PDE4D: variants seen among roughly 807,000 people sequenced by gnomAD.
The protein encoded by PDE4D is 3',5'-cyclic-AMP phosphodiesterase 4D.
In PDE4D, 24 loss-of-function variants were observed where a neutral mutation model predicts 87.4. The ratio of observed to expected loss-of-function variants is 0.27; its 90% CI spans 0.20 to 0.39. The LOEUF is 0.39. Among genes scored for constraint, PDE4D ranks in the 10% least tolerant of loss-of-function variants. PDE4D has a pLI of 1.00. For missense variants in PDE4D, 714 were observed against 1,041.0 expected, an observed-to-expected ratio of 0.69 and a Z score of 4.32; for synonymous variants, 384 against 383.2, an observed-to-expected ratio of 1.00 and a Z score of -0.02.
intron 2 of PDE4D, among the ~76,000 whole-genome samples, chr5:60,027,328 T>C (rs1356877735): frequency 6.6e-6 from 1 of 152,206 alleles, no homozygotes; most frequent in Non-Finnish European, 1.5e-5. Flanking sequence ...ATGAGGTATT[T>C]GGTTTTCTGT....
At chr5:60,506,176 C>T (rs1268725266) in intron 1 of PDE4D, among the ~76,000 whole-genome samples, 3 of 152,194 alleles carry the variant, frequency 2.0e-5, no homozygotes, top group Admixed American at 6.5e-5. Context: ...GGAAAGGACA[C>T]AGTTCCTGTT....
intron 1 of PDE4D, among the ~76,000 whole-genome samples, chr5:60,320,444 C>T (rs559104082): frequency 2.5e-4 from 38 of 152,308 alleles, no homozygotes; most frequent in African/African-American, 8.9e-4. Context: ...TGAGGTGATG[C>T]CTCGCCCTGC....
intron 1 of PDE4D, among the ~76,000 whole-genome samples, chr5:60,233,979 G>T (rs1333783411): frequency 2.6e-5 from 4 of 151,884 alleles, no homozygotes; most frequent in Non-Finnish European, 4.4e-5. Flanking sequence ...GTTTTCTTGA[G>T]ATATAATTCA....
intron 1 of PDE4D, among the ~76,000 whole-genome samples, chr5:60,345,270 G>T (rs1270429789): frequency 6.6e-6 from 1 of 151,854 alleles, no homozygotes; most frequent in African/African-American, 2.4e-5. Flanking sequence ...CACAGGAAGG[G>T]GAACATCACA....
intron 2 of PDE4D, among the ~76,000 whole-genome samples, chr5:60,005,951 A>C (rs1764434280): frequency 6.6e-6 from 1 of 151,980 alleles, no homozygotes; most frequent in Non-Finnish European, 1.5e-5. Flanking sequence ...CCAAAAATTA[A>C]AATTATTTAA....
chr5:59,431,401 G>A (rs985943371), intron 1 of PDE4D, among the ~76,000 whole-genome samples: 1 of 152,066 alleles, frequency 6.6e-6, no homozygotes, highest in African/African-American at 2.4e-5. Context: ...GGTGTTCAGA[G>A]TATTCTGTGA....
chr5:60,267,267 A>C (rs961595471), intron 1 of PDE4D, among the ~76,000 whole-genome samples: 1 of 152,180 alleles, frequency 6.6e-6, no homozygotes, highest in South Asian at 2.1e-4. Context: ...AGGGTCTACA[A>C]GCGGCTGTGG....
chr5:59,563,534 A>G (rs1170147898), intron 1 of PDE4D, among the ~76,000 whole-genome samples: 1 of 152,238 alleles, frequency 6.6e-6, no homozygotes, highest in Non-Finnish European at 1.5e-5. Context: ...AGTGGTCACT[A>G]TGTACCAGAC....
chr5:59,099,125 A>G (rs1348482117), intron 5 of PDE4D, among the ~76,000 whole-genome samples: 1 of 152,244 alleles, frequency 6.6e-6, no homozygotes, highest in African/African-American at 2.4e-5. Flanking sequence ...ATATTCAGTC[A>G]GCACCAGCAG....
rs114466972 is a variant in PDE4D at position 59,532,960 on chromosome 5, C to A, written c.456-316992G>T. On this transcript the variant is annotated intron_variant, in intron 1 of 14. Transcript: ENST00000340635. The stretch of plus-strand genomic sequence containing the variant: ...TTTCCATTAGTATCTCCAAGCCACC[C>A]TGCTGCCTAGAGTTTATCATTCTCA... Among the ~76,000 whole-genome samples the A allele has an allele frequency of 1.7e-3, 255 of 152,272 alleles. 1 individual carries two copies. Among genetic ancestry groups the A allele is most frequent in the African/African-American group, 5.6e-3 (232 of 41,556 alleles).
At chr5:59,530,154 T>C (rs1813937241) in intron 1 of PDE4D, among the ~76,000 whole-genome samples, 1 of 152,208 alleles carries the variant, frequency 6.6e-6, no homozygotes, top group South Asian at 2.1e-4. Flanking sequence ...AGAATGTTTA[T>C]TACTAGGCCA....
chr5:59,242,449 T>C (rs1181956309), intron 1 of PDE4D, among the ~76,000 whole-genome samples: 1 of 152,120 alleles, frequency 6.6e-6, no homozygotes, highest in Non-Finnish European at 1.5e-5. Flanking sequence ...CTCAACTCAA[T>C]TTCAACTCCA....
Position 59,929,856 on chromosome 5 carries a change from C to T in PDE4D, c.272+58632G>A, listed in dbSNP as rs143001430. Among the ~76,000 whole-genome samples, 542 of 152,200 alleles carry T rather than the reference C, an allele frequency of 3.6e-3. 4 individuals carry two copies. Among genetic ancestry groups the T allele is most frequent in the African/African-American group, 0.013 (520 of 41,518 alleles). ...AATGCTTCCTTTCAAAGTTAATGAA[C>T]AAGGAAGCTCTAGCTGTCTCTGGAA... On this transcript the variant is annotated intron_variant, in intron 3 of 16. Coordinates refer to the PDE4D transcript ENST00000502484.
chr5:59,390,737 G>C (rs1235808114), intron 1 of PDE4D, among the ~76,000 whole-genome samples: 1 of 151,992 alleles, frequency 6.6e-6, no homozygotes, highest in South Asian at 2.1e-4. Flanking sequence ...GGAGGTAAGG[G>C]GAAGATATTT....
At chr5:60,013,583 A>G (rs1019947597) in intron 2 of PDE4D, among the ~76,000 whole-genome samples, 1 of 152,146 alleles carries the variant, frequency 6.6e-6, no homozygotes, top group Non-Finnish European at 1.5e-5. Context: ...AATTTGCCCT[A>G]AGTTATACTA....
chr5:59,429,762 A>C (rs533243335), intron 1 of PDE4D, among the ~76,000 whole-genome samples: 1 of 152,168 alleles, frequency 6.6e-6, no homozygotes, highest in Non-Finnish European at 1.5e-5. Flanking sequence ...CTACATAAAA[A>C]GGGTGGGTCG....
At chr5:59,527,540 C>T (rs12187079) in intron 1 of PDE4D, among the ~76,000 whole-genome samples, 28,522 of 152,140 alleles carry the variant, frequency 0.19, 3,303 homozygotes, top group Non-Finnish European at 0.26. Context: ...CAAGCCTTCA[C>T]TGCAAAGTAA....
At chr5:59,285,167 C>A in intron 1 of PDE4D, among the ~76,000 whole-genome samples, 1 of 135,144 alleles carries the variant, frequency 7.4e-6, no homozygotes, top group Admixed American at 7.7e-5. Flanking sequence ...ACATATGTAA[C>A]TAACCTGCAC....
chr5:59,486,389 A>G lies in PDE4D; in HGVS notation c.456-270421T>C, dbSNP rs190183809. On this transcript the variant is annotated intron_variant, in intron 1 of 14. Transcript: ENST00000340635. ...AAGCTTTTGGATATTTGAAATACAT[A>G]CCATCTTAACTACTCCTGCTCTAAC... Among the ~76,000 whole-genome samples the G allele has an allele frequency of 9.2e-5, 14 of 152,276 alleles. No individual in the cohort carries two copies. The East Asian group carries it at 1.5e-3, about 17-fold the overall frequency.
Sources: allele counts gnomAD v4.1 joint callset (sites outside exome capture counted in the v4.1 genomes callset), GRCh38; gene constraint gnomAD v4.1.1; transcripts MANE v1.5; gene names NCBI Gene and HGNC (gene_info 2026-07-23, HGNC 2026-07-21).